Variants in FSTL5 observed in about 807,000 individuals in gnomAD.
FSTL5 encodes the protein follistatin like 5, also known as follistatin-related protein 5.
In FSTL5, 62 loss-of-function variants were observed where a neutral mutation model predicts 89.1. The ratio of observed to expected loss-of-function variants is 0.70; its 90% CI spans 0.57 to 0.86. The LOEUF is 0.86. FSTL5 is among the 40% of genes least tolerant of loss of function. The pLI is 0.00. For synonymous variants in FSTL5, 383 were observed against 346.2 expected (o/e 1.11, Z -1.18); for missense variants, 1,057 against 1,001.6 (o/e 1.06, Z -0.75).
intron 3 of FSTL5, among the ~76,000 whole-genome samples, chr4:161,930,388 A>T (rs1051817902): frequency 2.0e-5 from 3 of 151,776 alleles, no homozygotes; most frequent in African/African-American, 7.2e-5. Flanking sequence ...TCTTCAACAA[A>T]CTTTTGCACT....
intron 15 of FSTL5, among the ~76,000 whole-genome samples, chr4:161,427,298 G>T (rs1007142219): frequency 2.6e-5 from 4 of 152,250 alleles, no homozygotes; most frequent in Middle Eastern, 3.4e-3. Context: ...TCTCCTCTGG[G>T]GAGCTTAATT....
At position 161,527,782 on chromosome 4, in the gene FSTL5, A is replaced by T. The variant is rs1731277271; in HGVS notation, c.1312+10384T>A. 1.3e-5 allele frequency among the ~76,000 whole-genome samples: 2 copies of T among 151,542 alleles called. 1 individual carries two copies. Among genetic ancestry groups the T allele is most frequent in the African/African-American group, 4.9e-5 (2 of 40,900 alleles). On this transcript the variant is annotated intron_variant, in intron 10 of 15. Transcript: ENST00000306100. The stretch of plus-strand genomic sequence containing the variant: ...ACTAGAAATACCATTTGATCCAGCC[A>T]TCCCATTACTGGGTATATACCCAAA...
chr4:161,732,373 T>C (rs916869169), intron 6 of FSTL5, among the ~76,000 whole-genome samples: 3 of 152,026 alleles, frequency 2.0e-5, no homozygotes, highest in Non-Finnish European at 4.4e-5. Flanking sequence ...GGTGGAAGAA[T>C]TCTTTATTCT....
At chr4:161,455,293 G>C (rs1733315062) in intron 14 of FSTL5, among the ~76,000 whole-genome samples, 165 bp from the exon 15 acceptor site, 2 of 152,056 alleles carry the variant, frequency 1.3e-5, no homozygotes, top group Non-Finnish European at 2.9e-5. Flanking sequence ...TTCTGTGACT[G>C]TTTTGCTTAT....
intron 1 of FSTL5, among the ~76,000 whole-genome samples, chr4:162,156,166 A>C (rs943773309): frequency 2.0e-5 from 3 of 152,174 alleles, no homozygotes; most frequent in African/African-American, 7.2e-5. Flanking sequence ...CAATCATCAG[A>C]AACATGCAAA....
chr4:161,991,293 A>T (rs1197864062), intron 3 of FSTL5, among the ~76,000 whole-genome samples: 1 of 152,204 alleles, frequency 6.6e-6, no homozygotes, highest in African/African-American at 2.4e-5. Flanking sequence ...ACTTGAAAGC[A>T]AAAATAACTG....
chr4:161,455,287 G>A (rs932627272), intron 14 of FSTL5, among the ~76,000 whole-genome samples, 159 bp from the exon 15 acceptor site: 1 of 152,074 alleles, frequency 6.6e-6, no homozygotes, highest in Non-Finnish European at 1.5e-5. Flanking sequence ...TTACAATTCT[G>A]TGACTGTTTT....
chr4:161,473,138 T>C (rs1734007040), intron 13 of FSTL5, among the ~76,000 whole-genome samples: 1 of 152,186 alleles, frequency 6.6e-6, no homozygotes, highest in South Asian at 2.1e-4. Flanking sequence ...TGTCATTGGA[T>C]AGGGTATTCT....
intron 6 of FSTL5, among the ~76,000 whole-genome samples, chr4:161,723,242 G>A (rs774415195): frequency 3.9e-5 from 6 of 151,974 alleles, no homozygotes; most frequent in South Asian, 4.1e-4. Flanking sequence ...TAAAATATTC[G>A]TAAAGGTAAA....
chr4:161,530,757 A>T (rs1463701251), intron 10 of FSTL5, among the ~76,000 whole-genome samples: 1 of 152,088 alleles, frequency 6.6e-6, no homozygotes, highest in Non-Finnish European at 1.5e-5. Flanking sequence ...GCAAGATGTG[A>T]ATCAATCTGT....
At chr4:161,432,721 A>G (rs1251810954) in intron 15 of FSTL5, among the ~76,000 whole-genome samples, 12 of 151,946 alleles carry the variant, frequency 7.9e-5, no homozygotes. Flanking sequence ...TCAAATAAAT[A>G]CAATCAGAGA....
intron 15 of FSTL5, among the ~76,000 whole-genome samples, chr4:161,413,017 C>G (rs1350025855): frequency 6.6e-6 from 1 of 152,002 alleles, no homozygotes; most frequent in African/African-American, 2.4e-5. Context: ...GAATTTTTTA[C>G]TAAGTCCCCA....
intron 1 of FSTL5, among the ~76,000 whole-genome samples, chr4:162,123,881 TGAA>T (rs1414089287): frequency 6.7e-6 from 1 of 149,452 alleles, no homozygotes; most frequent in East Asian, 2.0e-4. Flanking sequence ...AAAAAAAAAC[TGAA>T]GAAAGGTGAA....
At chr4:161,865,790 TA>T (rs5863492) in intron 4 of FSTL5, among the ~76,000 whole-genome samples, 48,454 of 151,964 alleles carry the variant, frequency 0.32, 7,947 homozygotes, top group South Asian at 0.39. Flanking sequence ...AGAATAGCAA[TA>T]AAAAAACTTT....
intron 2 of FSTL5, among the ~76,000 whole-genome samples, chr4:162,102,888 T>C (rs1731060589): frequency 6.6e-6 from 1 of 151,484 alleles, no homozygotes; most frequent in Non-Finnish European, 1.5e-5. Flanking sequence ...TAGATGTAAA[T>C]AGAATGCTGA....
intron 2 of FSTL5, among the ~76,000 whole-genome samples, chr4:162,087,910 T>G (rs1384485058): frequency 6.6e-6 from 1 of 151,428 alleles, no homozygotes; most frequent in Non-Finnish European, 1.5e-5. Context: ...ATAAATTGCT[T>G]TGTCACAGTT....
intron 5 of FSTL5, among the ~76,000 whole-genome samples, chr4:161,769,536 T>A (rs1741135386): frequency 1.3e-5 from 2 of 151,918 alleles, no homozygotes; most frequent in African/African-American, 4.8e-5. Context: ...TTCAACTTAC[T>A]CAAATAAATC....
At chr4:162,037,429 GC>G (rs1337611043) in intron 2 of FSTL5, among the ~76,000 whole-genome samples, 1 of 151,828 alleles carries the variant, frequency 6.6e-6, no homozygotes, top group Non-Finnish European at 1.5e-5. Context: ...TAAGTGCATG[GC>G]TTTTTGCGAG....
intron 3 of FSTL5, among the ~76,000 whole-genome samples, chr4:161,967,254 T>G (rs1209895565): frequency 6.6e-6 from 1 of 152,082 alleles, no homozygotes; most frequent in Non-Finnish European, 1.5e-5. Context: ...CTGTTGAGTA[T>G]TGTTGAGAAA....
Sources: gnomAD v4.1 joint callset for allele counts (sites outside exome capture counted in the v4.1 genomes callset) on GRCh38, gnomAD v4.1.1 for gene constraint, MANE v1.5 for transcripts, NCBI Gene and HGNC (gene_info 2026-07-23, HGNC 2026-07-21) for gene names.